Variants in BCAS4 observed in about 807,000 individuals in gnomAD.
The protein encoded by BCAS4 is breast carcinoma amplified sequence 4.
Under a neutral mutation model 15.7 loss-of-function variants are expected in BCAS4, and 9 were observed. That is an observed-to-expected ratio of 0.57 (90% CI 0.34 to 1.00). BCAS4 has a LOEUF of 1.00. Among genes scored for constraint, BCAS4 ranks in the 50% least tolerant of loss-of-function variants. The pLI is 0.02. For synonymous variants in BCAS4, 101 were observed against 99.5 expected (o/e 1.02, Z -0.09); for missense variants, 225 against 239.1 (o/e 0.94, Z 0.39).
At chr20:50,879,750 C>T (rs79225247), downstream of BCAS4, 1,689 of 152,394 alleles carry the variant, frequency 0.011, 18 homozygotes, top group East Asian at 0.034. Flanking sequence ...AGGAGCATGG[C>T]CCTGAGGTTA....
chr20:50,833,122 C>T (rs1284146251), intron 3 of BCAS4: 6 of 152,314 alleles, frequency 3.9e-5, no homozygotes, highest in South Asian at 2.1e-4. Context: ...CTGTGGGAAC[C>T]GTGTTAGGTG....
intron 3 of BCAS4, among the ~76,000 whole-genome samples, chr20:50,839,375 T>G (rs2088449772): frequency 6.6e-6 from 1 of 152,204 alleles, no homozygotes; most frequent in Non-Finnish European, 1.5e-5. Context: ...TTTTTTAAAG[T>G]GTAGATTTAT....
intron 2 of BCAS4, among the ~76,000 whole-genome samples, chr20:50,819,752 C>G (rs2088190299): frequency 6.6e-6 from 1 of 152,136 alleles, no homozygotes; most frequent in African/African-American, 2.4e-5. Flanking sequence ...TTCTTTACCA[C>G]CACGCATTGG....
At position 50,876,601 on chromosome 20, in the gene BCAS4, C is replaced by T; in HGVS notation, c.515C>T (p.Pro172Leu). 1.9e-6 allele frequency: 3 copies of T among 1,613,912 alleles called. No individual in the cohort carries two copies. Among genetic ancestry groups the T allele is most frequent in the Non-Finnish European group, 8.5e-7 (1 of 1,179,924 alleles). The change falls in exon 5 of 5, where the codon CCT becomes CTT. Residue 172 changes from proline (P) to leucine (L), a missense_variant. Pro to Leu is a moderately conservative substitution (Grantham distance 98, BLOSUM62 -3). Transcript: ENST00000371608. ...AQHHPRTCPR[P>L]L ...CACCACCCCCGCACCTGCCCTCGGCCTTTGTGAGCTTTGTGGTCTTCCCAT... is the reference window on the plus strand; with the variant it reads ...CACCACCCCCGCACCTGCCCTCGGCTTTTGTGAGCTTTGTGGTCTTCCCAT...
chr20:50,845,055 T>A (rs940724397), intron 4 of BCAS4, among the ~76,000 whole-genome samples: 16 of 152,062 alleles, frequency 1.1e-4, no homozygotes, highest in Admixed American at 2.0e-4. Flanking sequence ...ATGATGATCA[T>A]CACCGCTGGT....
At chr20:50,846,799 A>T (rs989388832) in intron 4 of BCAS4, 1 of 151,820 alleles carries the variant, frequency 6.6e-6, no homozygotes, top group African/African-American at 2.4e-5. Context: ...TTTTTAGTAG[A>T]GACAGGGTTT....
At chr20:50,870,290 G>C (rs1979570103) in intron 4 of BCAS4, among the ~76,000 whole-genome samples, 1 of 152,306 alleles carries the variant, frequency 6.6e-6, no homozygotes, top group African/African-American at 2.4e-5. Flanking sequence ...GATGCGGGTG[G>C]GCCCAGACTG....
chr20:50,799,513 G>T (rs914574618), intron 1 of BCAS4, among the ~76,000 whole-genome samples: 1 of 152,180 alleles, frequency 6.6e-6, no homozygotes, highest in Non-Finnish European at 1.5e-5. Flanking sequence ...CCTAGTTTGC[G>T]AACAGACCTG....
At chr20:50,844,207 TG>T (rs1372725695) in intron 4 of BCAS4, among the ~76,000 whole-genome samples, 1 of 151,888 alleles carries the variant, frequency 6.6e-6, no homozygotes, top group Non-Finnish European at 1.5e-5. Flanking sequence ...CCCACCACTT[TG>T]GGGGGCCAAG....
chr20:50,880,912 G>A (rs1980106049), downstream of BCAS4: 1 of 152,190 alleles, frequency 6.6e-6, no homozygotes, highest in South Asian at 2.1e-4. Context: ...CACCTGGATT[G>A]TAAATCGATT....
At chr20:50,875,098 T>G (rs1406453840) in intron 4 of BCAS4, among the ~76,000 whole-genome samples, 1 of 152,208 alleles carries the variant, frequency 6.6e-6, no homozygotes, top group Non-Finnish European at 1.5e-5. Context: ...GAGAATCACC[T>G]GGGAGCTGTG....
chr20:50,816,015 A>G (rs537215768), intron 1 of BCAS4, among the ~76,000 whole-genome samples: 79 of 152,272 alleles, frequency 5.2e-4, no homozygotes, highest in African/African-American at 1.9e-3. Flanking sequence ...TGAGGGGGAA[A>G]AAAAACCTAA....
intron 4 of BCAS4, among the ~76,000 whole-genome samples, chr20:50,853,845 C>T (rs78393406): frequency 0.04 from 4,068 of 102,032 alleles, 745 homozygotes; most frequent in African/African-American, 0.083. Context: ...GTGTTTTGTG[C>T]ACTGTAGATG....
At chr20:50,823,477 T>G (rs2088241645) in intron 2 of BCAS4, among the ~76,000 whole-genome samples, 1 of 152,166 alleles carries the variant, frequency 6.6e-6, no homozygotes, top group South Asian at 2.1e-4. Context: ...TGAAAAAGAA[T>G]CGACTGCTAT....
chr20:50,849,903 G>A (rs1341712429), intron 4 of BCAS4, among the ~76,000 whole-genome samples: 1 of 152,190 alleles, frequency 6.6e-6, no homozygotes, highest in Non-Finnish European at 1.5e-5. Context: ...AAGGCAGGAG[G>A]ATCACTTGAG....
chr20:50,832,737 C>T (rs576047281), intron 3 of BCAS4: 2 of 152,374 alleles, frequency 1.3e-5, no homozygotes, highest in East Asian at 1.9e-4. Flanking sequence ...TTCCTCAGCT[C>T]GTGGCCCCTG....
At chr20:50,846,930 A>G (rs1274186896) in intron 4 of BCAS4, among the ~76,000 whole-genome samples, 1 of 151,554 alleles carries the variant, frequency 6.6e-6, no homozygotes, top group African/African-American at 2.4e-5. Flanking sequence ...AATATCTTTA[A>G]AGTTCAAAAA....
intron 1 of BCAS4, among the ~76,000 whole-genome samples, chr20:50,798,779 T>C (rs2087895240): frequency 6.6e-6 from 1 of 152,180 alleles, no homozygotes; most frequent in South Asian, 2.1e-4. Flanking sequence ...TAGTAATTGC[T>C]CCCATTCCTG....
intron 4 of BCAS4, among the ~76,000 whole-genome samples, chr20:50,862,315 A>G (rs1223423852): frequency 6.6e-6 from 1 of 151,764 alleles, no homozygotes; most frequent in African/African-American, 2.4e-5. Context: ...CTCCTGTCTC[A>G]TGATGTTCAT....
Sources: gnomAD v4.1 joint callset for allele counts (sites outside exome capture counted in the v4.1 genomes callset) on GRCh38, gnomAD v4.1.1 for gene constraint, MANE v1.5 for transcripts, NCBI Gene and HGNC (gene_info 2026-07-23, HGNC 2026-07-21) for gene names.